Variants in CNOT4 observed in about 807,000 individuals in gnomAD.
CNOT4 encodes the protein CCR4-NOT transcription complex subunit 4.
CNOT4 carries 8 observed loss-of-function variants against 73.8 expected under a neutral mutation model. The ratio of observed to expected loss-of-function variants is 0.11; its 90% CI spans 0.06 to 0.20. The LOEUF (loss-of-function observed/expected upper bound fraction) is 0.20. Among genes scored for constraint, CNOT4 ranks in the 10% least tolerant of loss-of-function variants. The pLI, the probability that CNOT4 is intolerant of heterozygous loss-of-function variation, is 1.00. For missense variants in CNOT4, 564 were observed against 883.4 expected, an observed-to-expected ratio of 0.64 and a Z score of 4.58; for synonymous variants, 293 against 321.1, an observed-to-expected ratio of 0.91 and a Z score of 0.94.
chr7:135,457,720 A>G (rs973022197), intron 1 of CNOT4, among the ~76,000 whole-genome samples: 7 of 152,108 alleles, frequency 4.6e-5, no homozygotes, highest in African/African-American at 7.2e-5. Context: ...ACTTAACTTC[A>G]TTGTAATACA....
chr7:135,424,037 C>A (rs1054065739), intron 2 of CNOT4, among the ~76,000 whole-genome samples: 134 of 127,904 alleles, frequency 1.0e-3, no homozygotes, highest in African/African-American at 4.0e-3. Context: ...AACAAACAAA[C>A]AAAACACACA....
intron 10 of CNOT4, among the ~76,000 whole-genome samples, chr7:135,365,861 C>CT (rs1794887030): frequency 6.6e-6 from 1 of 152,164 alleles, no homozygotes. Context: ...CCCTGGCTCC[C>CT]TAACTACATG....
chr7:135,509,726 G>A (rs1190681242), intron 1 of CNOT4, 163 bp downstream of exon 1: 3 of 280,036 alleles, frequency 1.1e-5, no homozygotes, highest in Non-Finnish European at 2.0e-5. Flanking sequence ...GGGAGAGGGA[G>A]GAAGAGGAGG....
rs191038119 is a variant in CNOT4 at position 135,497,140 on chromosome 7, G to T, written c.-93+12749C>A. Among the ~76,000 whole-genome samples, 493 of 151,916 alleles carry T rather than the reference G, an allele frequency of 3.2e-3. 2 individuals are homozygous for T. The highest frequency in any genetic ancestry group is 0.011 in the African/African-American group (442 of 41,510). On this transcript the variant is annotated intron_variant, in intron 1 of 11. Coordinates refer to ENST00000541284, the MANE Select transcript of CNOT4 (RefSeq NM_001190850.2). ...TATTCTCATAGGGTCAGGCATGGTG[G>T]CTCACGCCTATAATCCCAGCACTTT...
At chr7:135,509,843 C>G (rs934657392) in intron 1 of CNOT4, 46 bp downstream of exon 1, 2 of 391,308 alleles carry the variant, frequency 5.1e-6, no homozygotes, top group African/African-American at 2.1e-5. Flanking sequence ...CTCTCGTAGC[C>G]GGTCAGCCCC....
At chr7:135,441,767 G>GT (rs976351195) in intron 1 of CNOT4, among the ~76,000 whole-genome samples, 2 of 152,100 alleles carry the variant, frequency 1.3e-5, no homozygotes, top group African/African-American at 4.8e-5. Context: ...ATATACTGAT[G>GT]TTTTGCTTTT....
rs974806303 is a variant in CNOT4 at position 135,452,987 on chromosome 7, T to C, written c.-92-14564A>G. 2.6e-5 allele frequency among the ~76,000 whole-genome samples: 4 copies of C among 152,318 alleles called. No individual in the cohort carries two copies. In the East Asian group the frequency reaches 5.8e-4, roughly 22 times the overall value. ...TTGTCAAGAAAAGGAATTGCCTATA[T>C]CAATTTATTTTCAACTGAAAAATAC... On this transcript the variant is annotated intron_variant, in intron 1 of 11. Coordinates refer to ENST00000541284, the MANE Select transcript of CNOT4 (RefSeq NM_001190850.2).
At chr7:135,502,200 T>G (rs1476086457) in intron 1 of CNOT4, among the ~76,000 whole-genome samples, 1 of 152,244 alleles carries the variant, frequency 6.6e-6, no homozygotes, top group Non-Finnish European at 1.5e-5. Context: ...TATAGCAGCA[T>G]AAAATGAACT....
chr7:135,382,542 T>A (rs1042695337), intron 10 of CNOT4, among the ~76,000 whole-genome samples: 1 of 151,610 alleles, frequency 6.6e-6, no homozygotes, highest in African/African-American at 2.4e-5. Flanking sequence ...AAAACTAAGG[T>A]TGCTTCCAAA....
rs117691835 is a variant in CNOT4, at chr7:135,494,448, C to T, written c.-93+15441G>A. On this transcript the variant is annotated intron_variant, in intron 1 of 11. Coordinates refer to ENST00000541284, the MANE Select transcript of CNOT4 (RefSeq NM_001190850.2). ...TCGCGCCATTGCACTACAACCTGGGCAACAAGAATGAAATTCCGTCTCAAA... is the reference window on the plus strand; with the variant it reads ...TCGCGCCATTGCACTACAACCTGGGTAACAAGAATGAAATTCCGTCTCAAA... 3.1e-3 allele frequency among the ~76,000 whole-genome samples: 314 copies of T among 100,178 alleles called. 10 individuals carry two copies. In the East Asian group the frequency reaches 0.076, roughly 24 times the overall value. 65.7% of individuals were successfully genotyped at this position (100,178 alleles called of 152,430 possible).
At chr7:135,383,161 G>T (rs1419947132) in intron 10 of CNOT4, among the ~76,000 whole-genome samples, 3 of 152,106 alleles carry the variant, frequency 2.0e-5, no homozygotes, top group African/African-American at 7.2e-5. Flanking sequence ...AAATAAAGCA[G>T]AATGACCTAA....
chr7:135,378,175 C>T (rs567304115), intron 10 of CNOT4, among the ~76,000 whole-genome samples: 1 of 152,246 alleles, frequency 6.6e-6, no homozygotes, highest in African/African-American at 2.4e-5. Flanking sequence ...AAAATCCAGA[C>T]AATGATTTCT....
chr7:135,495,627 G>A (rs1290410051), intron 1 of CNOT4, among the ~76,000 whole-genome samples: 8 of 136,052 alleles, frequency 5.9e-5, no homozygotes, highest in Admixed American at 2.5e-4. Flanking sequence ...CCAAGATCTC[G>A]CCACTGCACT....
chr7:135,457,023 A>T (rs1800578883), intron 1 of CNOT4, among the ~76,000 whole-genome samples: 1 of 152,116 alleles, frequency 6.6e-6, no homozygotes, highest in African/African-American at 2.4e-5. Context: ...ACTGGCTATA[A>T]AACCAATATA....
At chr7:135,453,847 T>TATA (rs1554438701) in intron 1 of CNOT4, among the ~76,000 whole-genome samples, 20 of 119,320 alleles carry the variant, frequency 1.7e-4, no homozygotes, top group East Asian at 4.5e-4. Flanking sequence ...TATATATATA[T>TATA]TATATATATA....
intron 7 of CNOT4, among the ~76,000 whole-genome samples, chr7:135,409,109 T>C (rs1285833727): frequency 6.6e-6 from 1 of 152,200 alleles, no homozygotes; most frequent in Non-Finnish European, 1.5e-5. Context: ...ACATTTTTAA[T>C]GCAAACAATG....
At chr7:135,507,130 G>A (rs1804427290) in intron 1 of CNOT4, among the ~76,000 whole-genome samples, 1 of 152,164 alleles carries the variant, frequency 6.6e-6, no homozygotes, top group African/African-American at 2.4e-5. Context: ...TGAGTTGCAA[G>A]TTATCGCTAG....
intron 1 of CNOT4, among the ~76,000 whole-genome samples, chr7:135,487,762 C>T (rs1174964679): frequency 7.9e-5 from 12 of 152,174 alleles, no homozygotes; most frequent in Middle Eastern, 3.4e-3. Context: ...ATATACTTTT[C>T]GAGCACAGAG....
At chr7:135,485,636 T>C (rs1401618684) in intron 1 of CNOT4, among the ~76,000 whole-genome samples, 1 of 151,772 alleles carries the variant, frequency 6.6e-6, no homozygotes, top group African/African-American at 2.4e-5. Context: ...GCACAAGCAA[T>C]TCAATAAAAG....
Sources: gnomAD v4.1 joint callset for allele counts (sites outside exome capture counted in the v4.1 genomes callset) on GRCh38, gnomAD v4.1.1 for gene constraint, MANE v1.5 for transcripts, NCBI Gene and HGNC (gene_info 2026-07-23, HGNC 2026-07-21) for gene names.